Variants in ESR1 observed in about 807,000 individuals in gnomAD.
ESR1 encodes the protein estrogen receptor 1.
ESR1 carries 12 observed loss-of-function variants against 52.7 expected under a neutral mutation model. The ratio of observed to expected loss-of-function variants is 0.23; its 90% confidence interval spans 0.15 to 0.37. ESR1 has a LOEUF of 0.37. Among genes scored for constraint, ESR1 ranks in the 10% least tolerant of loss-of-function variants. The pLI is 1.00. For missense variants in ESR1, 584 were observed against 779.7 expected (o/e 0.75, Z 2.99); for synonymous variants, 305 against 316.8 (o/e 0.96, Z 0.39).
chr6:151,876,027 T>TG (rs1333316772), intron 2 of ESR1, among the ~76,000 whole-genome samples: 4 of 151,956 alleles, frequency 2.6e-5, no homozygotes, highest in African/African-American at 9.7e-5. Context: ...CGGTGGGCTG[T>TG]GGTAATGATC....
chr6:151,771,663 A>G (rs899510945), intron 2 of ESR1, among the ~76,000 whole-genome samples: 1 of 152,242 alleles, frequency 6.6e-6, no homozygotes, highest in Non-Finnish European at 1.5e-5. Context: ...GCAACTGCAT[A>G]TGTATCATTT....
At chr6:152,021,596 T>C (rs1258507864) in intron 5 of ESR1, among the ~76,000 whole-genome samples, 1 of 152,140 alleles carries the variant, frequency 6.6e-6, no homozygotes, top group African/African-American at 2.4e-5. Context: ...AATTCTGAGA[T>C]CCATCATGAC....
chr6:151,900,015 T>C (rs1036914500), intron 3 of ESR1, among the ~76,000 whole-genome samples: 6 of 152,232 alleles, frequency 3.9e-5, no homozygotes, highest in Non-Finnish European at 8.8e-5. Flanking sequence ...GAGGCTGCAA[T>C]CTCGGCACTT....
intron 2 of ESR1, among the ~76,000 whole-genome samples, chr6:151,869,099 G>T (rs74386114): frequency 1.3e-5 from 2 of 152,088 alleles, no homozygotes; most frequent in Non-Finnish European, 2.9e-5. Context: ...CCTGTTCAGG[G>T]TTCTGAGTTT....
At chr6:151,847,815 C>T (rs1475592924) in intron 2 of ESR1, among the ~76,000 whole-genome samples, 1 of 148,098 alleles carries the variant, frequency 6.8e-6, no homozygotes, top group African/African-American at 2.5e-5. Flanking sequence ...AGTCCTTGCC[C>T]ACGCCTATGT....
intron 1 of ESR1, among the ~76,000 whole-genome samples, chr6:151,662,282 TTTTCCTGTA>T: frequency 6.6e-6 from 1 of 152,378 alleles, no homozygotes; most frequent in East Asian, 1.9e-4. Flanking sequence ...TCATCATTTC[TTTTCCTGTA>T]TTTGGTTTAT....
intron 5 of ESR1, among the ~76,000 whole-genome samples, chr6:152,060,560 C>T (rs1453150361): frequency 6.6e-6 from 1 of 152,202 alleles, no homozygotes; most frequent in East Asian, 1.9e-4. Context: ...GGACTTGTTA[C>T]ATTATTTGAA....
At chr6:152,127,536 C>T (rs937013888) in exon 7 of ESR1, 6 of 152,076 alleles carry the variant, frequency 3.9e-5, no homozygotes, top group Non-Finnish European at 5.9e-5. Flanking sequence ...GGAAAACATA[C>T]CTGATTTATT....
rs1032050790 is a variant in ESR1 at position 152,053,504 on chromosome 6, C to T, written c.1236-7487C>T. Among the ~76,000 whole-genome samples, 1 of 151,874 alleles carries T rather than the reference C, an allele frequency of 6.6e-6. No individual in the cohort carries two copies. Among genetic ancestry groups the T allele is most frequent in the African/African-American group, 2.4e-5 (1 of 41,344 alleles). The stretch of plus-strand genomic sequence containing the variant: ...TCTTTCTCTTCCTCAGTCTCTCTCC[C>T]ATTCTCTTTCTCTTTCTCTCAATCT... On this transcript the variant is annotated intron_variant, in intron 5 of 7. Transcript: ENST00000206249. This position sits in a 1 kb window ranked among gnomAD's most constrained non-coding sequence, Gnocchi z 4.1.
At chr6:151,751,630 T>G (rs1783908039) in intron 2 of ESR1, among the ~76,000 whole-genome samples, 1 of 152,220 alleles carries the variant, frequency 6.6e-6, no homozygotes, top group South Asian at 2.1e-4. Flanking sequence ...ACCTGGAGAC[T>G]TACCTGGTAA....
At chr6:151,678,368 G>A (rs893086620) in intron 1 of ESR1, among the ~76,000 whole-genome samples, 1 of 151,978 alleles carries the variant, frequency 6.6e-6, no homozygotes, top group Non-Finnish European at 1.5e-5. Flanking sequence ...AGCTACTTGG[G>A]AGGCTGAGGC....
chr6:151,701,337 C>A (rs1326652872), intron 1 of ESR1, among the ~76,000 whole-genome samples: 4 of 151,358 alleles, frequency 2.6e-5, no homozygotes, highest in Non-Finnish European at 5.9e-5. Flanking sequence ...ACCAGCCCAG[C>A]CAACATGGTG....
chr6:151,791,201 C>T (rs1341768263), intron 2 of ESR1, among the ~76,000 whole-genome samples: 1 of 152,130 alleles, frequency 6.6e-6, no homozygotes, highest in East Asian at 1.9e-4. Flanking sequence ...GCTGTGACCT[C>T]GCTCAAATCT....
At chr6:152,021,569 C>T (rs925998434) in intron 5 of ESR1, among the ~76,000 whole-genome samples, 4 of 152,104 alleles carry the variant, frequency 2.6e-5, no homozygotes, top group African/African-American at 9.7e-5. Context: ...ACTTATTTAC[C>T]ATTCTCCAAT....
At chr6:151,937,516 T>C (rs531528818) in intron 3 of ESR1, among the ~76,000 whole-genome samples, 89 of 152,074 alleles carry the variant, frequency 5.9e-4, no homozygotes, top group African/African-American at 2.1e-3. Flanking sequence ...ACCTATGAAC[T>C]AGGAGGGAGG....
chr6:152,125,847 T>C (rs1160638441), exon 7 of ESR1: 2 of 152,554 alleles, frequency 1.3e-5, no homozygotes, highest in Non-Finnish European at 2.9e-5. Context: ...GGGCTGCCCA[T>C]TGACCTGTTC....
intron 3 of ESR1, among the ~76,000 whole-genome samples, chr6:151,890,075 A>G (rs1337534958): frequency 6.6e-6 from 1 of 150,682 alleles, no homozygotes; most frequent in East Asian, 1.9e-4. Flanking sequence ...CATATGAACT[A>G]TACTGTTTTT....
chr6:152,099,760 A>G lies in ESR1; in HGVS notation c.*794A>G. 2.8e-6 allele frequency: 1 copy of G among 362,736 alleles called. No homozygotes were observed. The highest frequency in any genetic ancestry group is 4.9e-6 in the Non-Finnish European group (1 of 203,678). The allele number at this position is 362,736 out of a possible 1,614,324, so 22.5% of individuals were successfully genotyped here. On this transcript the variant is annotated 3_prime_UTR_variant, in exon 8 of 8. Coordinates refer to ENST00000206249, the MANE Select transcript of ESR1 (RefSeq NM_000125.4). ...TCCCTATATGAGGGATAAGTTCCTG[A>G]TTTTTGTTTTTATTTTTGTGTTACA...
At chr6:152,028,904 C>A (rs1025857486) in intron 5 of ESR1, among the ~76,000 whole-genome samples, 4 of 152,248 alleles carry the variant, frequency 2.6e-5, no homozygotes, top group African/African-American at 9.6e-5. Context: ...TAGGGGCAGA[C>A]TGACACCTCA....
Sources: gnomAD v4.1 joint callset for allele counts (sites outside exome capture counted in the v4.1 genomes callset) on GRCh38, gnomAD v4.1.1 for gene constraint, Gnocchi (gnomAD v3.1) non-coding constraint, MANE v1.5 for transcripts, NCBI Gene and HGNC (gene_info 2026-07-23, HGNC 2026-07-21) for gene names.